Variants in LTBP1 observed in about 807,000 individuals in gnomAD.
The protein encoded by LTBP1 is latent transforming growth factor beta binding protein 1, also known as latent-transforming growth factor beta-binding protein 1.
In LTBP1, 129 loss-of-function variants were observed where a neutral mutation model predicts 207.6. The ratio of observed to expected loss-of-function variants is 0.62; its 90% CI spans 0.54 to 0.72. The LOEUF is 0.72. Among genes scored for constraint, LTBP1 ranks in the 30% least tolerant of loss-of-function variants. The pLI is 0.00. For synonymous variants in LTBP1, 963 were observed against 833.7 expected (o/e 1.16, Z -2.67); for missense variants, 2,281 against 2,217.2 (o/e 1.03, Z -0.58).
intron 2 of LTBP1, among the ~76,000 whole-genome samples, chr2:33,014,680 T>G (rs1212017967): frequency 1.3e-5 from 2 of 152,208 alleles, no homozygotes; most frequent in African/African-American, 4.8e-5. Flanking sequence ...CAGTAGAAGC[T>G]GAGCTTCAGG....
chr2:33,342,040 G>A (rs2094633086), intron 24 of LTBP1, among the ~76,000 whole-genome samples: 1 of 152,144 alleles, frequency 6.6e-6, no homozygotes, highest in African/African-American at 2.4e-5. Context: ...AGTGCCCAAG[G>A]AGAACGGGAA....
chr2:33,306,604 A>G lies in LTBP1; in HGVS notation c.3482-2830A>G, dbSNP rs372200069. 1.4e-4 allele frequency among the ~76,000 whole-genome samples: 22 copies of G among 152,088 alleles called. No homozygotes were observed. The East Asian group carries it at 2.1e-3, about 15-fold the overall frequency. ...AACCAAAAACCAGCATGAACAGAGCAACATGCTTCCATTATGCTGAGGCAA... is the reference window on the plus strand; with the variant it reads ...AACCAAAAACCAGCATGAACAGAGCGACATGCTTCCATTATGCTGAGGCAA... On this transcript the variant is annotated intron_variant, in intron 22 of 33. Transcript: ENST00000404816.
intron 3 of LTBP1, among the ~76,000 whole-genome samples, chr2:33,108,858 G>GCT (rs2080225290): frequency 6.6e-6 from 1 of 152,168 alleles, no homozygotes; most frequent in African/African-American, 2.4e-5. Flanking sequence ...TTCACTTGCT[G>GCT]CTCTATCCCA....
intron 24 of LTBP1, among the ~76,000 whole-genome samples, chr2:33,322,056 T>C (rs2094362363): frequency 6.6e-6 from 1 of 152,306 alleles, no homozygotes; most frequent in African/African-American, 2.4e-5. Context: ...CATGCATTGC[T>C]TGATTGTCTT....
chr2:32,972,918 G>T (rs768663792), intron 2 of LTBP1, among the ~76,000 whole-genome samples: 58 of 152,292 alleles, frequency 3.8e-4, no homozygotes, highest in South Asian at 8.3e-4. Flanking sequence ...TATCGTTATA[G>T]TGGAGTGAGA....
intron 5 of LTBP1, among the ~76,000 whole-genome samples, chr2:33,179,336 A>C (rs1360552311): frequency 6.6e-6 from 1 of 152,208 alleles, no homozygotes; most frequent in Non-Finnish European, 1.5e-5. Flanking sequence ...AATGGTTACT[A>C]TGAATATTCG....
Position 33,134,845 on chromosome 2 carries a change from A to G in LTBP1, c.1086A>G (p.Lys362=), listed in dbSNP as rs1263979529. 6.2e-7 allele frequency: 1 copy of G among 1,614,070 alleles called. No individual in the cohort carries two copies. The highest frequency in any genetic ancestry group is 1.7e-5 in the Admixed American group (1 of 60,008). ...TGGTCTTTACTCCGAGCATCTGTAA[A>G]GTGACCTGCACCAAGGGCAGCTGTC... is the stretch of plus-strand genomic sequence containing the variant. ...IKVVFTPSIC[K]VTCTKGSCQN... is the part of the protein sequence containing the mutation. The change falls in exon 5 of 34, where the codon AAA becomes AAG. Residue 362 remains lysine, a synonymous_variant. Transcript: ENST00000404816. This position sits in a 1 kb window ranked among gnomAD's most constrained non-coding sequence, Gnocchi z 4.4.
chr2:33,276,072 C>T, intron 18 of LTBP1, 149 bp downstream of exon 18: 1 of 980,720 alleles, frequency 1.0e-6, no homozygotes, highest in Non-Finnish European at 1.4e-6. Context: ...GGCTCTTTGC[C>T]TCTTCCTTTC....
rs148620023 is a variant in LTBP1 at position 33,282,419 on chromosome 2, G to A, written c.3112+2261G>A. 1.1e-3 allele frequency among the ~76,000 whole-genome samples: 174 copies of A among 152,256 alleles called. 2 individuals carry two copies. The highest frequency in any genetic ancestry group is 4.0e-3 in the African/African-American group (166 of 41,550). On this transcript the variant is annotated intron_variant, in intron 19 of 33. Coordinates refer to ENST00000404816, the MANE Select transcript of LTBP1 (RefSeq NM_206943.4). ...TTCTAAATTTCTCATGAGGGCCTTT[G>A]CAGGTTATACTGAAATAGATTTTCC...
At chr2:33,093,565 A>G (rs2079222868) in intron 3 of LTBP1, among the ~76,000 whole-genome samples, 1 of 152,132 alleles carries the variant, frequency 6.6e-6, no homozygotes, top group African/African-American at 2.4e-5. Context: ...AATGTTTCCA[A>G]ATTGTTCTCT....
rs114450069 is a variant in LTBP1 at position 33,178,695 on chromosome 2, A to C, written c.1202-8161A>C. ...CAGGTAACAAAAAGAGTAATGTCCT[A>C]TTTGCTTGAATGAACTAAACCAATG... On this transcript the variant is annotated intron_variant, in intron 5 of 33. Transcript: ENST00000404816. Among the ~76,000 whole-genome samples the C allele has an allele frequency of 1.4e-3, 212 of 152,258 alleles. 2 individuals carry two copies. Among genetic ancestry groups the C allele is most frequent in the African/African-American group, 4.9e-3 (204 of 41,554 alleles).
intron 2 of LTBP1, among the ~76,000 whole-genome samples, 188 bp downstream of exon 2, chr2:32,949,133 G>A (rs917112914): frequency 2.6e-5 from 4 of 152,196 alleles, no homozygotes; most frequent in Non-Finnish European, 5.9e-5. Flanking sequence ...AATGCCAGCA[G>A]CAATACATTG....
At chr2:33,025,041 C>G (rs1315664343) in intron 3 of LTBP1, among the ~76,000 whole-genome samples, 1 of 152,204 alleles carries the variant, frequency 6.6e-6, no homozygotes, top group East Asian at 1.9e-4. Context: ...GTGGACCTCT[C>G]TGTAGAGCAG....
intron 19 of LTBP1, among the ~76,000 whole-genome samples, chr2:33,287,574 T>C (rs2093690507): frequency 1.3e-5 from 2 of 152,074 alleles, no homozygotes; most frequent in Admixed American, 6.5e-5. Flanking sequence ...GGCAGTTGAG[T>C]TTTGCTGAAA....
chr2:33,389,063 A>G (rs1163783873), intron 31 of LTBP1, 121 bp from the exon 32 acceptor site: 2 of 1,368,176 alleles, frequency 1.5e-6, no homozygotes, highest in African/African-American at 2.9e-5. Context: ...AGTGGTACGC[A>G]GGAGATGGAG....
rs145987230 is a variant in LTBP1, at chr2:33,295,247, T to C, written c.3235+1965T>C. 5.1e-3 allele frequency among the ~76,000 whole-genome samples: 782 copies of C among 152,214 alleles called. 9 individuals carry two copies. Among genetic ancestry groups the C allele is most frequent in the African/African-American group, 0.018 (749 of 41,546 alleles). On this transcript the variant is annotated intron_variant, in intron 20 of 33. Transcript: ENST00000404816. ...GAACTCTTTATATATGTAATACATA[T>C]ATAAACGTATGTACATGTGGCCGGA...
At chr2:33,163,602 C>T (rs1260162052) in intron 5 of LTBP1, among the ~76,000 whole-genome samples, 1 of 152,076 alleles carries the variant, frequency 6.6e-6, no homozygotes, top group African/African-American at 2.4e-5. Flanking sequence ...TTAGCAAAAA[C>T]GCATTATAGT....
At chr2:33,175,629 T>C (rs369731130) in intron 5 of LTBP1, among the ~76,000 whole-genome samples, 18 of 152,172 alleles carry the variant, frequency 1.2e-4, no homozygotes, top group Admixed American at 7.9e-4. Flanking sequence ...AGAAATACCA[T>C]TGGACCGAGC....
chr2:32,969,227 ATTTGTGTGTG>A (rs370932631), intron 2 of LTBP1, among the ~76,000 whole-genome samples: 7,629 of 92,606 alleles, frequency 0.082, 401 homozygotes, highest in East Asian at 0.25. Context: ...CACCTGGCCA[ATTTGTGTGTG>A]TGTGTGTGTG....
Sources: gnomAD v4.1 joint callset for allele counts (sites outside exome capture counted in the v4.1 genomes callset) on GRCh38, gnomAD v4.1.1 for gene constraint, Gnocchi (gnomAD v3.1) non-coding constraint, MANE v1.5 for transcripts, NCBI Gene and HGNC (gene_info 2026-07-23, HGNC 2026-07-21) for gene names.